The following PDCL2 variants were observed in gnomAD, a reference collection of about 807,000 sequenced individuals.
PDCL2 encodes phosducin like 2.
A neutral mutation model predicts 30.3 loss-of-function variants in PDCL2; 23 were observed. The observed-to-expected ratio is 0.76, with a 90% CI of 0.55 to 1.08. The LOEUF is 1.08. Ranked by LOEUF, PDCL2 falls within the 50% of genes least tolerant of loss-of-function variation. The pLI, the probability that PDCL2 is intolerant of heterozygous loss-of-function variation, is 0.00. For missense variants in PDCL2, 243 were observed against 282.3 expected, an observed-to-expected ratio of 0.86 and a Z score of 1.00; for synonymous variants, 68 against 86.2, an observed-to-expected ratio of 0.79 and a Z score of 1.17.
chr4:55,581,987 G>C (rs1208994506), intron 2 of PDCL2, 130 bp downstream of exon 2: 1 of 1,253,718 alleles, frequency 8.0e-7, no homozygotes, highest in East Asian at 2.7e-5. Context: ...GATTACAGGT[G>C]TGAGCCACCA....
intron 4 of PDCL2, among the ~76,000 whole-genome samples, chr4:55,566,619 G>T (rs1577907600): frequency 6.6e-6 from 1 of 151,240 alleles, no homozygotes; most frequent in East Asian, 2.0e-4. Flanking sequence ...GTAGAGATGG[G>T]GTTTCACCAT....
chr4:55,560,191 G>A (rs57110652), intron 5 of PDCL2, among the ~76,000 whole-genome samples: 1 of 43,226 alleles, frequency 2.3e-5, no homozygotes, highest in African/African-American at 1.9e-4. Context: ...AAAAAAAAAG[G>A]GGGGGGGGAC....
intron 3 of PDCL2, among the ~76,000 whole-genome samples, chr4:55,578,461 G>C (rs1398493124): frequency 1.3e-5 from 2 of 152,136 alleles, no homozygotes; most frequent in Non-Finnish European, 2.9e-5. Context: ...GAAACTACAA[G>C]CATTCAATAT....
intron 3 of PDCL2, among the ~76,000 whole-genome samples, chr4:55,573,398 T>G (rs565401521): frequency 9.2e-5 from 14 of 152,312 alleles, no homozygotes; most frequent in Admixed American, 9.2e-4. Flanking sequence ...TATTACATCT[T>G]TTTTTAAAAG....
At chr4:55,591,413 G>A (rs1041169228) in intron 1 of PDCL2, among the ~76,000 whole-genome samples, 3 of 149,260 alleles carry the variant, frequency 2.0e-5, no homozygotes, top group Admixed American at 1.3e-4. Context: ...GTTCTGAGGC[G>A]CAGTCTCACT....
At chr4:55,588,728 GA>G (rs536932732) in intron 1 of PDCL2, among the ~76,000 whole-genome samples, 6 of 151,670 alleles carry the variant, frequency 4.0e-5, no homozygotes, top group East Asian at 3.9e-4. Context: ...ACCCTTTATT[GA>G]AAAAAAATTA....
intron 4 of PDCL2, among the ~76,000 whole-genome samples, chr4:55,566,508 C>T (rs1446651933): frequency 2.7e-5 from 4 of 148,046 alleles, no homozygotes; most frequent in East Asian, 2.0e-4. Flanking sequence ...CTGGAACCTC[C>T]GCCTCCCGGG....
chr4:55,564,893 C>T (rs1381246250), intron 4 of PDCL2, among the ~76,000 whole-genome samples: 3 of 152,232 alleles, frequency 2.0e-5, no homozygotes, highest in African/African-American at 7.2e-5. Flanking sequence ...ATCTAACCAA[C>T]TCCCATCTTC....
chr4:55,582,177 T>G lies in PDCL2; in HGVS notation c.67A>C (p.Lys23Gln), dbSNP rs750798387. 6.2e-7 allele frequency: 1 copy of G among 1,612,928 alleles called. No individual in the cohort carries two copies. Among genetic ancestry groups the G allele is most frequent in the Non-Finnish European group, 8.5e-7 (1 of 1,179,442 alleles). Residue 23 changes from lysine to glutamine, a missense_variant, in exon 2 of 6, where the codon AAA (lysine) becomes CAA (glutamine). Physicochemically the swap from Lys to Gln is moderately conservative, Grantham distance 53. Coordinates refer to ENST00000295645, the MANE Select transcript of PDCL2 (RefSeq NM_152401.3). Reference protein sequence around the residue: ...ILRDFGILPPKEESKDEIEEM... With the variant: ...ILRDFGILPPQEESKDEIEEM... Reference sequence around the variant, plus strand: ...TCAATTTCATCTTTTGACTCTTCTTTAGGAGGAAGAATGCCGAAATCTCTT... The same window carrying G: ...TCAATTTCATCTTTTGACTCTTCTTGAGGAGGAAGAATGCCGAAATCTCTT...
intron 5 of PDCL2, among the ~76,000 whole-genome samples, chr4:55,559,227 G>A (rs1490987605): frequency 1.3e-5 from 2 of 152,180 alleles, no homozygotes; most frequent in African/African-American, 4.8e-5. Context: ...AAGTGAAGTT[G>A]AAAATGTGTA....
chr4:55,574,939 T>A (rs761294438), intron 3 of PDCL2, among the ~76,000 whole-genome samples: 1 of 152,232 alleles, frequency 6.6e-6, no homozygotes, highest in Non-Finnish European at 1.5e-5. Flanking sequence ...GTGGAATTGC[T>A]GGGTCATATG....
At chr4:55,567,881 TTA>T (rs1442919806) in intron 4 of PDCL2, among the ~76,000 whole-genome samples, 1 of 152,180 alleles carries the variant, frequency 6.6e-6, no homozygotes, top group Non-Finnish European at 1.5e-5. Flanking sequence ...ACTCTTTAAA[TTA>T]TATTTTGTGC....
chr4:55,560,163 T>G (rs368022409), intron 5 of PDCL2, among the ~76,000 whole-genome samples: 35 of 131,846 alleles, frequency 2.7e-4, no homozygotes, highest in African/African-American at 9.6e-4. Context: ...ACCAATAAAT[T>G]TCATTGATAT....
rs1732735712 is a variant in PDCL2 at position 55,582,231 on chromosome 4, T to C, written c.13A>G (p.Asn5Asp). 1.9e-6 allele frequency: 3 copies of C among 1,601,988 alleles called. No individual in the cohort carries two copies. Among genetic ancestry groups the C allele is most frequent in the Non-Finnish European group, 2.6e-6 (3 of 1,176,158 alleles). MQDP[N>D]EDTEWNDILR... ...ATGTCATTCCATTCTGTATCTTCATTGGGATCCTACACAAAAAGAAAAGAA... is the reference window on the plus strand; with the variant it reads ...ATGTCATTCCATTCTGTATCTTCATCGGGATCCTACACAAAAAGAAAAGAA... The change falls in exon 2 of 6, where the codon AAT becomes GAT. Residue 5 changes from asparagine to aspartate, a missense_variant. Physicochemically the swap from Asn to Asp is conservative, Grantham distance 23. Transcript: ENST00000295645.
In PDCL2 at chr4:55,558,082, G is replaced by A. The variant is rs149713130; in HGVS notation, c.572-1371C>T. 9.8e-4 allele frequency among the ~76,000 whole-genome samples: 146 copies of A among 148,666 alleles called. 1 individual carries two copies. The Middle Eastern group carries it at 0.014, about 14-fold the overall frequency. On this transcript the variant is annotated intron_variant, in intron 5 of 5. Coordinates refer to ENST00000295645, the MANE Select transcript of PDCL2 (RefSeq NM_152401.3). ...GTTGTAGTGGGCCGAGATCGAGATC[G>A]CGCCATTGCACTCCAGTTGGGCAAC... is the stretch of plus-strand genomic sequence containing the variant.
intron 1 of PDCL2, among the ~76,000 whole-genome samples, chr4:55,582,495 C>T (rs1732748830): frequency 6.6e-6 from 1 of 152,168 alleles, no homozygotes; most frequent in Non-Finnish European, 1.5e-5. Flanking sequence ...TCTCCTAAGT[C>T]ATGGAAAATT....
rs1207981838 is a variant in PDCL2 at position 55,573,626 on chromosome 4, C to A, written c.219-3765G>T. 4.6e-5 allele frequency among the ~76,000 whole-genome samples: 7 copies of A among 152,094 alleles called. No homozygotes were observed. In the East Asian group the frequency reaches 1.4e-3, roughly 30 times the overall value. On this transcript the variant is annotated intron_variant, in intron 3 of 5. Coordinates refer to ENST00000295645, the MANE Select transcript of PDCL2 (RefSeq NM_152401.3). ...ATTAGCCGGGCGTGGTAGCATGTGC[C>A]TGTAGTCCCAGCTACTCCAGAGACT...
intron 4 of PDCL2, among the ~76,000 whole-genome samples, chr4:55,562,815 GGGAATGAA>G (rs2110153394): frequency 6.6e-6 from 1 of 151,712 alleles, no homozygotes; most frequent in South Asian, 2.1e-4. Flanking sequence ...ATTATAACCC[GGGAATGAA>G]GCTAGCTACC....
chr4:55,566,429 CTTT>C (rs59299412), intron 4 of PDCL2, among the ~76,000 whole-genome samples: 4 of 126,912 alleles, frequency 3.2e-5, no homozygotes, highest in Middle Eastern at 4.2e-3. Context: ...TCCTTTTTCT[CTTT>C]TTTTTTTTTT....
Sources: allele counts gnomAD v4.1 joint callset (sites outside exome capture counted in the v4.1 genomes callset), GRCh38; gene constraint gnomAD v4.1.1; transcripts MANE v1.5; gene names NCBI Gene and HGNC (gene_info 2026-07-23, HGNC 2026-07-21).